The following ESR1 variants were observed in gnomAD, a reference collection of about 807,000 sequenced individuals.
The protein encoded by ESR1 is estrogen receptor 1.
A neutral mutation model predicts 52.7 loss-of-function variants in ESR1; 12 were observed. That is an observed-to-expected ratio of 0.23 (90% CI 0.15 to 0.37). The LOEUF (loss-of-function observed/expected upper bound fraction) is 0.37. ESR1 is among the 10% of genes least tolerant of loss of function. The probability of loss-of-function intolerance (pLI) is 1.00; values close to 1 mark genes in which losing one functional copy is unlikely to be tolerated. For missense variants in ESR1, 584 were observed against 779.7 expected (o/e 0.75, Z 2.99); for synonymous variants, 305 against 316.8 (o/e 0.96, Z 0.39).
At chr6:151,915,858 T>C (rs1029175637) in intron 3 of ESR1, among the ~76,000 whole-genome samples, 12 of 152,072 alleles carry the variant, frequency 7.9e-5, no homozygotes, top group Non-Finnish European at 1.8e-4. Context: ...TCTCTCTCTC[T>C]CTCTCTCTCT....
chr6:151,733,057 C>T (rs1782376537), intron 2 of ESR1, among the ~76,000 whole-genome samples: 1 of 152,160 alleles, frequency 6.6e-6, no homozygotes, highest in African/African-American at 2.4e-5. Context: ...TAACAGATTA[C>T]ATTTATTTAT....
At chr6:152,117,973 A>G (rs2051229124) in intron 6 of ESR1, among the ~76,000 whole-genome samples, 1 of 152,234 alleles carries the variant, frequency 6.6e-6, no homozygotes, top group South Asian at 2.1e-4. Flanking sequence ...CCACACTCAG[A>G]AAAACACCTG....
intron 5 of ESR1, among the ~76,000 whole-genome samples, chr6:152,043,118 G>T (rs1483204976): frequency 2.0e-5 from 3 of 152,064 alleles, no homozygotes; most frequent in Non-Finnish European, 2.9e-5. Context: ...CTAAAGTGAC[G>T]AATTCACTCC....
intron 1 of ESR1, among the ~76,000 whole-genome samples, chr6:151,696,127 G>C (rs1488736107): frequency 6.6e-6 from 1 of 151,940 alleles, no homozygotes; most frequent in East Asian, 1.9e-4. Context: ...CAAGGGCCTT[G>C]CTGTGGTTTA....
chr6:151,681,892 C>T (rs1272990764), intron 1 of ESR1, among the ~76,000 whole-genome samples: 1 of 152,134 alleles, frequency 6.6e-6, no homozygotes, highest in Non-Finnish European at 1.5e-5. Context: ...TTCCGGAAGA[C>T]CTGCTCACCA....
chr6:151,773,477 A>G (rs112237664), intron 2 of ESR1, among the ~76,000 whole-genome samples: 16 of 152,320 alleles, frequency 1.1e-4, no homozygotes, highest in Non-Finnish European at 1.6e-4. Context: ...CCTTGTCACA[A>G]TCTTCACTCA....
chr6:151,806,882 C>G (rs1235431461), upstream of ESR1, among the ~76,000 whole-genome samples: 1 of 151,952 alleles, frequency 6.6e-6, no homozygotes, highest in Non-Finnish European at 1.5e-5. Context: ...GCATGAACAC[C>G]CATGTGCGCC....
intron 4 of ESR1, among the ~76,000 whole-genome samples, chr6:151,996,881 T>G (rs1036461658): frequency 6.6e-6 from 1 of 152,028 alleles, no homozygotes; most frequent in Non-Finnish European, 1.5e-5. Context: ...GGAATCTCAT[T>G]TTTTGGGTAA....
chr6:152,004,653 T>TA (rs900801989), intron 4 of ESR1, among the ~76,000 whole-genome samples: 114 of 146,666 alleles, frequency 7.8e-4, no homozygotes, highest in Middle Eastern at 3.5e-3. Context: ...TCTGTATATG[T>TA]AAAAAAAAAA....
intron 6 of ESR1, among the ~76,000 whole-genome samples, chr6:152,120,707 C>A (rs867343947): frequency 6.6e-6 from 1 of 152,076 alleles, no homozygotes; most frequent in Non-Finnish European, 1.5e-5. Context: ...CTTTAAAATG[C>A]CGGCTCCCAG....
At chr6:151,881,616 G>A (rs986916349) in intron 3 of ESR1, among the ~76,000 whole-genome samples, 1 of 152,112 alleles carries the variant, frequency 6.6e-6, no homozygotes, top group Non-Finnish European at 1.5e-5. Context: ...AGAACAAGTA[G>A]AAAATGTGTA....
Position 151,696,407 on chromosome 6 carries a change from G to A in ESR1, c.-201-5468G>A, listed in dbSNP as rs1779343885. On this transcript the variant is annotated intron_variant, in intron 1 of 2. Transcript: ENST00000404742. ...GATTCGCTTGAACCTGGGAGGCGGAGGTTGCAGTGAGCTGAGATAACACCA... is the reference window on the plus strand; with the variant it reads ...GATTCGCTTGAACCTGGGAGGCGGAAGTTGCAGTGAGCTGAGATAACACCA... 2.0e-5 allele frequency among the ~76,000 whole-genome samples: 3 copies of A among 151,918 alleles called. No homozygotes were observed. The South Asian group carries it at 6.2e-4, about 32-fold the overall frequency.
At chr6:152,108,298 G>A (rs2051091585) in intron 6 of ESR1, among the ~76,000 whole-genome samples, 2 of 152,202 alleles carry the variant, frequency 1.3e-5, no homozygotes, top group African/African-American at 4.8e-5. Context: ...TACCTGCCTT[G>A]TTCTGTTGCT....
chr6:151,872,667 C>T (rs952367745), intron 2 of ESR1, among the ~76,000 whole-genome samples: 1 of 152,094 alleles, frequency 6.6e-6, no homozygotes, highest in Non-Finnish European at 1.5e-5. Context: ...ATTGTTTGAA[C>T]CTGTTTTCTA....
At chr6:151,898,705 C>A (rs1294035924) in intron 3 of ESR1, among the ~76,000 whole-genome samples, 1 of 152,162 alleles carries the variant, frequency 6.6e-6, no homozygotes, top group African/African-American at 2.4e-5. Flanking sequence ...TCAGAGAGCA[C>A]AGGGTTGGGG....
intron 1 of ESR1, among the ~76,000 whole-genome samples, chr6:151,815,761 G>A (rs922837905): frequency 2.0e-5 from 3 of 152,196 alleles, no homozygotes; most frequent in Non-Finnish European, 4.4e-5. Context: ...CTTTGCAGAC[G>A]TGTGGAATGG....
chr6:151,677,309 T>G (rs1398205319), intron 1 of ESR1, among the ~76,000 whole-genome samples: 1 of 152,222 alleles, frequency 6.6e-6, no homozygotes, highest in Admixed American at 6.5e-5. Context: ...CACATTAATT[T>G]ACCTCTTCCT....
chr6:151,773,024 C>G (rs1785640779), intron 2 of ESR1, among the ~76,000 whole-genome samples: 1 of 152,154 alleles, frequency 6.6e-6, no homozygotes, highest in African/African-American at 2.4e-5. Flanking sequence ...TCTTAAACCC[C>G]AGTATCCTAG....
At chr6:152,017,729 T>C (rs1430517520) in intron 5 of ESR1, among the ~76,000 whole-genome samples, 2 of 152,008 alleles carry the variant, frequency 1.3e-5, no homozygotes, top group Non-Finnish European at 2.9e-5. Context: ...TACTCATTCC[T>C]TGTGGGGTCT....
Sources: gnomAD v4.1 joint callset for allele counts (sites outside exome capture counted in the v4.1 genomes callset) on GRCh38, gnomAD v4.1.1 for gene constraint, MANE v1.5 for transcripts, NCBI Gene and HGNC (gene_info 2026-07-23, HGNC 2026-07-21) for gene names.